OR8B2: variants seen among roughly 807,000 people sequenced by gnomAD.
The protein encoded by OR8B2 is olfactory receptor 8B2.
For missense variants in OR8B2, 304 were observed against 379.6 expected (o/e 0.80, Z 1.65); for synonymous variants, 98 against 138.2 (o/e 0.71, Z 2.04).
At position 124,382,706 on chromosome 11, in the gene OR8B2, G is replaced by C. The variant is rs764600338; in HGVS notation, c.638C>G (p.Thr213Ser). ...AATGAAAACATAAGAAATGAGGATG[G>C]TACAACTGGGTACCGTGATATTAGT... is the stretch of plus-strand genomic sequence containing the variant. ...VGTNITVPSCTILISYVFIVT... is the reference protein window; with the variant it reads ...VGTNITVPSCSILISYVFIVT... The change falls in exon 2 of 2, where the codon ACC (threonine) becomes AGC (serine). Residue 213 changes from threonine (T) to serine (S), a missense_variant. Physicochemically the swap from Thr to Ser is moderately conservative, Grantham distance 58. Transcript: ENST00000641451. The C allele has an allele frequency of 6.2e-7, 1 of 1,613,736 alleles. No individual in the cohort carries two copies. The highest frequency in any genetic ancestry group is 1.3e-5 in the African/African-American group (1 of 74,884).
upstream of OR8B2, among the ~76,000 whole-genome samples, chr11:124,385,346 T>G (rs1860680836): frequency 6.6e-6 from 1 of 152,158 alleles, no homozygotes; most frequent in Admixed American, 6.5e-5. Context: ...GTGGCAAAAG[T>G]ATATGTAGAT....
chr11:124,386,241 G>A (rs1860697489), upstream of OR8B2, among the ~76,000 whole-genome samples: 1 of 148,968 alleles, frequency 6.7e-6, no homozygotes, highest in Non-Finnish European at 1.5e-5. Flanking sequence ...TTTCCCTTCT[G>A]ATTTGCTTCA....
the OR8B2 span, among the ~76,000 whole-genome samples, chr11:124,392,826 A>G: frequency 6.6e-5 from 10 of 150,778 alleles, no homozygotes; most frequent in African/African-American, 2.2e-4. Context: ...AGCCAGAAGA[A>G]CAAAGCTGGA....
At chr11:124,385,873 C>T (rs1216680431), upstream of OR8B2, among the ~76,000 whole-genome samples, 1 of 151,926 alleles carries the variant, frequency 6.6e-6, no homozygotes, top group Admixed American at 6.6e-5. Context: ...TCTCAAGAAA[C>T]CCTCCTGCCT....
At chr11:124,392,049 A>G in the OR8B2 span, among the ~76,000 whole-genome samples, 1 of 122,416 alleles carries the variant, frequency 8.2e-6, no homozygotes, top group Non-Finnish European at 1.6e-5. Context: ...AAGGCCTTTG[A>G]CAAAATTCAA....
the OR8B2 span, among the ~76,000 whole-genome samples, chr11:124,391,288 C>CT: frequency 2.1e-5 from 3 of 145,622 alleles, no homozygotes; most frequent in South Asian, 6.4e-4. Flanking sequence ...GAAATACAGA[C>CT]AAAAAAAAAA....
chr11:124,391,288 C>CAA, the OR8B2 span, among the ~76,000 whole-genome samples: 270 of 145,660 alleles, frequency 1.9e-3, 1 homozygote, highest in Admixed American at 9.4e-3. Flanking sequence ...GAAATACAGA[C>CAA]AAAAAAAAAA....
At position 124,383,010 on chromosome 11, in the gene OR8B2, A is replaced by C. The variant is rs150372983; in HGVS notation, c.334T>G (p.Cys112Gly). The change falls in exon 2 of 2, where the codon TGT becomes GGT. Residue 112 changes from cysteine to glycine, a missense_variant. By Grantham distance (159) the Cys-to-Gly change is radical (BLOSUM62 -3). Coordinates refer to ENST00000641451, the MANE Select transcript of OR8B2 (RefSeq NM_001005468.2). The part of the protein sequence containing the change: ...FFFLFFVISE[C>G]YMLTSMAYDR... ...TATGCCATTGAAGTCAACATGTAAC[A>C]TTCAGAGATGACGAAAAAGAGAAAG... is the stretch of plus-strand genomic sequence containing the variant. 6.2e-7 allele frequency: 1 copy of C among 1,613,874 alleles called. No individual in the cohort carries two copies. Among genetic ancestry groups the C allele is most frequent in the East Asian group, 2.2e-5 (1 of 44,884 alleles).
chr11:124,393,820 G>T, the OR8B2 span, among the ~76,000 whole-genome samples: 3 of 151,030 alleles, frequency 2.0e-5, no homozygotes, highest in Non-Finnish European at 1.5e-5. Flanking sequence ...GTTTATTGTG[G>T]CACTATTCAC....
At chr11:124,389,250 A>G (rs1157762794), upstream of OR8B2, among the ~76,000 whole-genome samples, 2 of 152,188 alleles carry the variant, frequency 1.3e-5, no homozygotes, top group Non-Finnish European at 2.9e-5. Context: ...CAAAATGCAT[A>G]CTGGTGGAGC....
the OR8B2 span, among the ~76,000 whole-genome samples, chr11:124,390,598 A>G: frequency 6.6e-6 from 1 of 152,200 alleles, no homozygotes; most frequent in African/African-American, 2.4e-5. Flanking sequence ...TTGTCTGTTT[A>G]TTAAATGGTA....
upstream of OR8B2, among the ~76,000 whole-genome samples, chr11:124,388,943 A>T (rs1451074582): frequency 1.3e-5 from 2 of 150,368 alleles, no homozygotes; most frequent in Non-Finnish European, 2.9e-5. Context: ...CTTCTCCCTC[A>T]GCCTCCCAAG....
upstream of OR8B2, among the ~76,000 whole-genome samples, chr11:124,386,893 A>G (rs532702720): frequency 3.3e-5 from 5 of 151,848 alleles, no homozygotes; most frequent in South Asian, 1.0e-3. Context: ...AAGTGTTCCT[A>G]TTTCTCCACA....
At chr11:124,395,733 C>G in the OR8B2 span, 1 of 152,164 alleles carries the variant, frequency 6.6e-6, no homozygotes, top group African/African-American at 2.4e-5. Flanking sequence ...TATTATTTCT[C>G]TAATCATCCT....
In OR8B2 at chr11:124,382,486, G is replaced by A. The variant is rs2320232; in HGVS notation, c.858C>T (p.Pro286=). The change falls in exon 2 of 2, where the codon CCC becomes CCT. Residue 286 remains proline (P), a synonymous_variant. Transcript: ENST00000641451. ...FYTNVVPMLN[P]LIYSLRNKDV... ...CCTTGTTCCTCAAACTGTAGATGAG[G>A]GGATTGAGCATGGGCACCACATTAG... 329 of 1,613,624 alleles carry A rather than the reference G, an allele frequency of 2.0e-4. No homozygotes were observed. The highest frequency in any genetic ancestry group is 1.1e-3 in the Admixed American group (66 of 59,938).
chr11:124,386,067 T>C (rs1295484905), upstream of OR8B2, among the ~76,000 whole-genome samples: 2 of 152,170 alleles, frequency 1.3e-5, no homozygotes, highest in African/African-American at 4.8e-5. Context: ...GTTCTTGGTT[T>C]TCCCAGTTCT....
upstream of OR8B2, among the ~76,000 whole-genome samples, chr11:124,387,134 G>A (rs1318606714): frequency 6.6e-6 from 1 of 152,138 alleles, no homozygotes; most frequent in South Asian, 2.1e-4. Context: ...ATTTGTTTGA[G>A]TTCATTGTAG....
At chr11:124,396,306 A>T in the OR8B2 span, 1 of 1,013,210 alleles carries the variant, frequency 9.9e-7, no homozygotes, top group Non-Finnish European at 1.4e-6. Context: ...CAAGTTTATT[A>T]AATCACACAT....
At chr11:124,386,074 T>C (rs1405116968), upstream of OR8B2, among the ~76,000 whole-genome samples, 2 of 152,118 alleles carry the variant, frequency 1.3e-5, no homozygotes, top group Admixed American at 6.6e-5. Context: ...GTTTTCCCAG[T>C]TCTATCATAG....
Sources: gnomAD v4.1 joint callset for allele counts (sites outside exome capture counted in the v4.1 genomes callset) on GRCh38, gnomAD v4.1.1 for gene constraint, MANE v1.5 for transcripts, NCBI Gene and HGNC (gene_info 2026-07-23, HGNC 2026-07-21) for gene names.